VWA8: variants seen among roughly 807,000 people sequenced by gnomAD.
VWA8 encodes the protein von Willebrand factor A domain containing 8, also known as von Willebrand factor A domain-containing protein 8.
In VWA8, 221 loss-of-function variants were observed where a neutral mutation model predicts 241.5. The ratio of observed to expected loss-of-function variants is 0.91; its 90% CI spans 0.82 to 1.02. VWA8 has a LOEUF of 1.02. Among genes scored for constraint, VWA8 ranks in the 50% least tolerant of loss-of-function variants. The probability of loss-of-function intolerance (pLI) is 0.00; values close to 1 mark genes in which losing one functional copy is unlikely to be tolerated. For synonymous variants in VWA8, 852 were observed against 827.1 expected (o/e 1.03, Z -0.52); for missense variants, 2,322 against 2,328.7 (o/e 1.00, Z 0.06).
chr13:41,898,142 G>A (rs990900546), intron 4 of VWA8, among the ~76,000 whole-genome samples: 5 of 150,698 alleles, frequency 3.3e-5, no homozygotes, highest in Non-Finnish European at 7.4e-5. Flanking sequence ...CAAACCTTGA[G>A]GTAGATACTG....
intron 26 of VWA8, among the ~76,000 whole-genome samples, chr13:41,708,418 AT>A (rs1231534243): frequency 6.6e-6 from 1 of 152,158 alleles, no homozygotes; most frequent in Non-Finnish European, 1.5e-5. Context: ...AAGAGAGATA[AT>A]ACAAATGCCC....
At chr13:41,953,081 A>T (rs1286056980) in intron 1 of VWA8, among the ~76,000 whole-genome samples, 1 of 152,224 alleles carries the variant, frequency 6.6e-6, no homozygotes, top group South Asian at 2.1e-4. Flanking sequence ...CTAAAAGTGG[A>T]AATAGAAAAA....
At chr13:41,920,517 A>T (rs540406399) in intron 2 of VWA8, among the ~76,000 whole-genome samples, 1 of 152,338 alleles carries the variant, frequency 6.6e-6, no homozygotes, top group Non-Finnish European at 1.5e-5. Context: ...TTTTGAAAAG[A>T]TCAATAAAAT....
At chr13:41,631,478 C>T (rs1406938492) in intron 37 of VWA8, among the ~76,000 whole-genome samples, 3 of 152,140 alleles carry the variant, frequency 2.0e-5, no homozygotes, top group South Asian at 2.1e-4. Context: ...CATGGACTCC[C>T]TGTCATAGCC....
intron 43 of VWA8, among the ~76,000 whole-genome samples, chr13:41,572,732 C>T (rs1326862005): frequency 6.8e-6 from 1 of 147,702 alleles, no homozygotes; most frequent in Non-Finnish European, 1.5e-5. Context: ...CTTCCCTCCA[C>T]TATTGTCCTA....
At chr13:41,845,508 A>T (rs1025318532) in intron 12 of VWA8, among the ~76,000 whole-genome samples, 13 of 152,026 alleles carry the variant, frequency 8.6e-5, no homozygotes, top group African/African-American at 2.9e-4. Flanking sequence ...AAAAAGACAC[A>T]TGCACATGTA....
intron 4 of VWA8, among the ~76,000 whole-genome samples, chr13:41,896,279 A>T (rs1875105507): frequency 1.3e-5 from 2 of 152,108 alleles, no homozygotes; most frequent in South Asian, 4.1e-4. Context: ...AACATTTTAA[A>T]ATATAAGAAA....
At chr13:41,804,892 C>T (rs1870115892) in intron 17 of VWA8, among the ~76,000 whole-genome samples, 1 of 151,932 alleles carries the variant, frequency 6.6e-6, no homozygotes, top group Admixed American at 6.6e-5. Context: ...TCATGGTAAC[C>T]TCGAACCAAA....
rs745715626 is a variant in VWA8, at chr13:41,887,270, T to A, written c.743A>T (p.Tyr248Phe). Residue 248 changes from tyrosine (Y) to phenylalanine (F), a missense_variant, in exon 6 of 45, where the codon TAT becomes TTT. Tyr to Phe is a conservative substitution (Grantham distance 22). Coordinates refer to ENST00000379310, the MANE Select transcript of VWA8 (RefSeq NM_015058.2). ...AGGGGGGTCTAATGGATTCCCAGAA[T>A]ACCTTGGCACTGGCAAGCCCAAGGC... ...VIALGLPVPRYSGNPLDPPLR... is the reference protein window; with the variant it reads ...VIALGLPVPRFSGNPLDPPLR... 1.9e-6 allele frequency: 3 copies of A among 1,613,738 alleles called. No homozygotes were observed. Among genetic ancestry groups the A allele is most frequent in the Non-Finnish European group, 2.5e-6 (3 of 1,179,924 alleles).
intron 29 of VWA8, among the ~76,000 whole-genome samples, chr13:41,698,585 A>C (rs1240024170): frequency 6.6e-6 from 1 of 152,158 alleles, no homozygotes; most frequent in Admixed American, 6.5e-5. Context: ...CTACCAAAAA[A>C]CGTCATTCGG....
intron 2 of VWA8, among the ~76,000 whole-genome samples, chr13:41,943,233 G>GA (rs1304984557): frequency 6.6e-6 from 1 of 151,852 alleles, no homozygotes; most frequent in Non-Finnish European, 1.5e-5. Flanking sequence ...AAAAGAAAAG[G>GA]AAAAAACACA....
chr13:41,657,693 G>T (rs534202326), intron 37 of VWA8, among the ~76,000 whole-genome samples: 37 of 152,016 alleles, frequency 2.4e-4, no homozygotes, highest in African/African-American at 8.4e-4. Context: ...GTTTCACCTT[G>T]TTAGCCAGGA....
At chr13:41,784,759 T>TAC (rs1303360749) in intron 18 of VWA8, among the ~76,000 whole-genome samples, 3 of 92,970 alleles carry the variant, frequency 3.2e-5, no homozygotes, top group African/African-American at 1.1e-4. Flanking sequence ...TATATATATA[T>TAC]ATACACACAC....
intron 40 of VWA8, among the ~76,000 whole-genome samples, chr13:41,603,771 T>G (rs182005141): frequency 6.6e-6 from 1 of 152,298 alleles, no homozygotes; most frequent in African/African-American, 2.4e-5. Context: ...TATACCTCTG[T>G]GCACTTGTGC....
chr13:41,653,410 T>C (rs1054541786), intron 37 of VWA8, among the ~76,000 whole-genome samples: 1 of 152,118 alleles, frequency 6.6e-6, no homozygotes, highest in African/African-American at 2.4e-5. Context: ...AAATCAGAGA[T>C]AACGCAGACA....
At chr13:41,611,853 C>A in intron 38 of VWA8, 121 bp from the exon 39 acceptor site, 1 of 1,113,942 alleles carries the variant, frequency 9.0e-7, no homozygotes, top group Non-Finnish European at 1.3e-6. Flanking sequence ...AGTAATTAAA[C>A]AGTCAAATTA....
At chr13:41,824,862 G>A (rs916187129) in intron 14 of VWA8, among the ~76,000 whole-genome samples, 5 of 151,398 alleles carry the variant, frequency 3.3e-5, no homozygotes, top group Non-Finnish European at 7.4e-5. Flanking sequence ...AAGAAGGGAA[G>A]GGGAGAGGAG....
chr13:41,621,808 G>A (rs12716679), intron 37 of VWA8, among the ~76,000 whole-genome samples: 1 of 152,074 alleles, frequency 6.6e-6, no homozygotes, highest in Admixed American at 6.6e-5. Context: ...TAATGGCCAT[G>A]AGGGAGGCAG....
chr13:41,613,261 C>T (rs914059490), intron 38 of VWA8, among the ~76,000 whole-genome samples: 1 of 152,142 alleles, frequency 6.6e-6, no homozygotes, highest in Non-Finnish European at 1.5e-5. Context: ...CTATTAATTA[C>T]ACTACTTTAA....
Sources: gnomAD v4.1 joint callset for allele counts (sites outside exome capture counted in the v4.1 genomes callset) on GRCh38, gnomAD v4.1.1 for gene constraint, MANE v1.5 for transcripts, NCBI Gene and HGNC (gene_info 2026-07-23, HGNC 2026-07-21) for gene names.